HP1BP3: variants seen among roughly 807,000 people sequenced by gnomAD.
HP1BP3 encodes heterochromatin protein 1-binding protein 3.
Under a neutral mutation model 62.5 loss-of-function variants are expected in HP1BP3, and 12 were observed. The observed-to-expected ratio is 0.19, with a 90% confidence interval of 0.12 to 0.31. HP1BP3 has a LOEUF of 0.31. Among genes scored for constraint, HP1BP3 ranks in the 10% least tolerant of loss-of-function variants. The pLI is 1.00. For synonymous variants in HP1BP3, 260 were observed against 237.8 expected (o/e 1.09, Z -0.86); for missense variants, 502 against 651.8 (o/e 0.77, Z 2.50).
At chr1:20,753,847 G>A (rs2055929041) in intron 9 of HP1BP3, among the ~76,000 whole-genome samples, 1 of 152,134 alleles carries the variant, frequency 6.6e-6, no homozygotes, top group Non-Finnish European at 1.5e-5. Context: ...CAGGAAACTA[G>A]TAGTATATAT....
chr1:20,748,917 G>A (rs1397796468), intron 10 of HP1BP3, among the ~76,000 whole-genome samples: 1 of 152,128 alleles, frequency 6.6e-6, no homozygotes, highest in African/African-American at 2.4e-5. Flanking sequence ...CAATCCACAC[G>A]ATAATGCTGA....
chr1:20,780,645 T>C (rs914148726), intron 1 of HP1BP3, 105 bp from the exon 2 acceptor site: 1 of 562,136 alleles, frequency 1.8e-6, no homozygotes, highest in Non-Finnish European at 3.2e-6. Context: ...ACTATAAAAT[T>C]TATAGGTAAG....
intron 1 of HP1BP3, among the ~76,000 whole-genome samples, chr1:20,785,837 G>GA (rs1008403807): frequency 2.0e-5 from 3 of 152,140 alleles, no homozygotes; most frequent in Admixed American, 6.5e-5. Flanking sequence ...GAAGAGCAAT[G>GA]AAAAATCAAA....
intron 8 of HP1BP3, among the ~76,000 whole-genome samples, chr1:20,764,806 T>TA (rs1189327727): frequency 2.0e-5 from 3 of 150,342 alleles, no homozygotes; most frequent in Non-Finnish European, 4.4e-5. Context: ...ACCCGGGAGT[T>TA]AGAGGCTGCA....
chr1:20,746,991 G>A (rs2055380027), intron 11 of HP1BP3, among the ~76,000 whole-genome samples: 1 of 152,170 alleles, frequency 6.6e-6, no homozygotes, highest in African/African-American at 2.4e-5. Flanking sequence ...TCCAGCCTGG[G>A]CGATAGAGTG....
In HP1BP3 at chr1:20,767,468, G is replaced by A; in HGVS notation, c.735+116C>T. 3 of 775,050 alleles carry A rather than the reference G, an allele frequency of 3.9e-6. No homozygotes were observed. The South Asian group carries it at 4.5e-5, about 12-fold the overall frequency. The allele number at this position is 775,050 out of a possible 1,614,324, so 48.0% of individuals were successfully genotyped here. Reference sequence around the variant, plus strand: ...TTATTTATAACTTCCCTAGGCCTTAGCAGAAAGGCTGAACCTTGCATAGTG... The same window carrying A: ...TTATTTATAACTTCCCTAGGCCTTAACAGAAAGGCTGAACCTTGCATAGTG... On this transcript the variant is annotated intron_variant, in intron 7 of 12. Transcript: ENST00000438032.
At chr1:20,765,608 G>T in intron 7 of HP1BP3, 77 bp from the exon 8 acceptor site, 1 of 1,149,222 alleles carries the variant, frequency 8.7e-7, no homozygotes, top group Non-Finnish European at 1.2e-6. Flanking sequence ...GCTTTCCTCA[G>T]TTGATTACCA....
intron 9 of HP1BP3, among the ~76,000 whole-genome samples, chr1:20,751,069 G>A (rs1222552454): frequency 1.3e-5 from 2 of 151,964 alleles, no homozygotes; most frequent in South Asian, 2.1e-4. Context: ...TGCCTGCCTC[G>A]GCCTCCTGAC....
At chr1:20,760,580 C>T (rs961067457) in intron 8 of HP1BP3, among the ~76,000 whole-genome samples, 14 of 150,876 alleles carry the variant, frequency 9.3e-5, no homozygotes, top group African/African-American at 3.4e-4. Context: ...CAGTGGCTCA[C>T]GTCTGTAATC....
intron 3 of HP1BP3, among the ~76,000 whole-genome samples, chr1:20,778,877 C>G (rs188070129): frequency 2.0e-5 from 3 of 151,940 alleles, no homozygotes; most frequent in East Asian, 1.9e-4. Flanking sequence ...GCAACCTCTG[C>G]CTCCTGGGCT....
intron 8 of HP1BP3, 61 bp downstream of exon 8, chr1:20,765,316 T>C (rs1353145709): frequency 7.1e-6 from 8 of 1,132,964 alleles, no homozygotes; most frequent in African/African-American, 6.4e-5. Flanking sequence ...TCTTTTCCCA[T>C]GAAAAGGGAG....
chr1:20,753,666 T>G (rs1010056326), intron 9 of HP1BP3, among the ~76,000 whole-genome samples: 1 of 152,192 alleles, frequency 6.6e-6, no homozygotes, highest in South Asian at 2.1e-4. Context: ...GTCCAAGAAA[T>G]TCACTGATTA....
At chr1:20,773,898 C>T (rs1324971842) in intron 4 of HP1BP3, 1 of 217,392 alleles carries the variant, frequency 4.6e-6, no homozygotes, top group Non-Finnish European at 8.9e-6. Context: ...TTTTAAAATG[C>T]ACATTAGTTA....
At position 20,740,853 on chromosome 1, in the gene HP1BP3, C is replaced by T. The variant is rs1033982767; in HGVS notation, c.*3944G>A. Among the ~76,000 whole-genome samples the T allele has an allele frequency of 5.3e-5, 8 of 152,278 alleles. No homozygotes were observed. Among genetic ancestry groups the T allele is most frequent in the African/African-American group, 9.6e-5 (4 of 41,562 alleles). ...AAGTAAAAGAATATAGTTATAAAGA[C>T]GGTAGAGATTAATTTCTTAAGAAAA... On this transcript the variant is annotated 3_prime_UTR_variant, in exon 13 of 13. Transcript: ENST00000438032.
intron 9 of HP1BP3, among the ~76,000 whole-genome samples, chr1:20,756,684 T>C (rs933543946): frequency 3.9e-5 from 6 of 152,194 alleles, no homozygotes; most frequent in African/African-American, 1.2e-4. Context: ...AATCAATAAA[T>C]ATTTAAATTT....
rs1377616964 is a variant in HP1BP3, at chr1:20,750,071, C to T, written c.982-189G>A. On this transcript the variant is annotated intron_variant, in intron 9 of 12. Coordinates refer to ENST00000438032, the MANE Select transcript of HP1BP3 (RefSeq NM_001372052.1). ...TTCAATCTAACTGAGAAGTCCCAAC[C>T]CTCCTATGGATATTTTCTCCTTCCA... 6.9e-6 allele frequency: 8 copies of T among 1,158,356 alleles called. No individual in the cohort carries two copies. In the Admixed American group the frequency reaches 2.8e-4, roughly 40 times the overall value. The allele number at this position is 1,158,356 out of a possible 1,614,324, so 71.8% of individuals were successfully genotyped here.
At chr1:20,760,491 C>T (rs960764418) in intron 8 of HP1BP3, among the ~76,000 whole-genome samples, 3 of 151,724 alleles carry the variant, frequency 2.0e-5, no homozygotes, top group African/African-American at 4.8e-5. Flanking sequence ...CCATGAGCCA[C>T]GATCTTGCCA....
chr1:20,783,105 T>C (rs924587981), intron 1 of HP1BP3, among the ~76,000 whole-genome samples: 2 of 129,800 alleles, frequency 1.5e-5, no homozygotes, highest in Non-Finnish European at 3.4e-5. Context: ...GAGTAAGACC[T>C]TGGCTCAATA....
intron 11 of HP1BP3, 91 bp from the exon 12 acceptor site, chr1:20,745,747 A>G: frequency 3.1e-6 from 4 of 1,300,644 alleles, no homozygotes; most frequent in Non-Finnish European, 4.3e-6. Flanking sequence ...GACATATCCC[A>G]CTTCTTCCCA....
Sources: allele counts gnomAD v4.1 joint callset (sites outside exome capture counted in the v4.1 genomes callset), GRCh38; gene constraint gnomAD v4.1.1; transcripts MANE v1.5; gene names NCBI Gene and HGNC (gene_info 2026-07-23, HGNC 2026-07-21).